MAST4: variants seen among roughly 807,000 people sequenced by gnomAD.
MAST4 encodes microtubule-associated serine/threonine-protein kinase 4.
A neutral mutation model predicts 162.7 loss-of-function variants in MAST4; 89 were observed. The observed-to-expected ratio is 0.55, with a 90% CI of 0.46 to 0.65. MAST4 has a LOEUF of 0.65. Among genes scored for constraint, MAST4 ranks in the 30% least tolerant of loss-of-function variants. The probability of loss-of-function intolerance (pLI) is 0.00; values close to 1 mark genes in which losing one functional copy is unlikely to be tolerated. For missense variants in MAST4, 3,153 were observed against 3,374.0 expected, an observed-to-expected ratio of 0.93 and a Z score of 1.62; for synonymous variants, 1,479 against 1,361.1, an observed-to-expected ratio of 1.09 and a Z score of -1.91.
intron 4 of MAST4, among the ~76,000 whole-genome samples, chr5:66,972,839 C>T (rs760437697): frequency 8.5e-5 from 13 of 152,198 alleles, no homozygotes; most frequent in Non-Finnish European, 1.6e-4. Flanking sequence ...TGCCGTGTCT[C>T]ACTCATTCCC....
At chr5:67,161,867 C>T (rs1773216608) in intron 27 of MAST4, among the ~76,000 whole-genome samples, 1 of 152,142 alleles carries the variant, frequency 6.6e-6, no homozygotes, top group African/African-American at 2.4e-5. Flanking sequence ...TTGTTTTAAG[C>T]TTATGTGGAG....
intron 1 of MAST4, among the ~76,000 whole-genome samples, chr5:66,628,001 T>A (rs1744549011): frequency 6.6e-6 from 1 of 152,166 alleles, no homozygotes; most frequent in Non-Finnish European, 1.5e-5. Context: ...ATTTTTAAAA[T>A]TTTTTAAAAT....
intron 1 of MAST4, among the ~76,000 whole-genome samples, chr5:66,700,817 A>G (rs1193311759): frequency 6.6e-6 from 1 of 151,426 alleles, no homozygotes; most frequent in Admixed American, 6.6e-5. Flanking sequence ...ACACACACAC[A>G]CACACACACA....
chr5:66,653,189 G>A (rs1746337807), intron 1 of MAST4, among the ~76,000 whole-genome samples: 1 of 152,150 alleles, frequency 6.6e-6, no homozygotes. Context: ...GAATGGTAGT[G>A]TACATTCATC....
At chr5:66,759,936 C>T (rs1055824004) in intron 2 of MAST4, 74 bp downstream of exon 2, 16 of 1,510,276 alleles carry the variant, frequency 1.1e-5, no homozygotes, top group Non-Finnish European at 1.3e-5. Flanking sequence ...CAGAGTTCCA[C>T]ATGTAATCAG....
intron 4 of MAST4, among the ~76,000 whole-genome samples, chr5:66,994,823 T>C (rs1039588741): frequency 1.3e-5 from 2 of 152,196 alleles, no homozygotes; most frequent in Admixed American, 1.3e-4. Context: ...AGCATTATTT[T>C]TATTATATTC....
intron 4 of MAST4, among the ~76,000 whole-genome samples, chr5:66,912,012 G>T (rs1005671522): frequency 1.3e-5 from 2 of 152,124 alleles, no homozygotes; most frequent in African/African-American, 4.8e-5. Flanking sequence ...TGTTATTGGG[G>T]GTGGTGGTAT....
At chr5:67,118,554 A>T (rs1035847843) in intron 12 of MAST4, 128 bp from the exon 13 acceptor site, 1 of 617,572 alleles carries the variant, frequency 1.6e-6, no homozygotes, top group Admixed American at 2.9e-5. Flanking sequence ...AGATTTTCCC[A>T]TGGGCACATT....
intron 3 of MAST4, among the ~76,000 whole-genome samples, chr5:66,892,438 C>A (rs932993333): frequency 4.6e-5 from 7 of 152,174 alleles, no homozygotes; most frequent in African/African-American, 1.7e-4. Flanking sequence ...TCCACCTTTA[C>A]TAAAAAGTAT....
intron 3 of MAST4, among the ~76,000 whole-genome samples, chr5:66,850,105 C>G (rs1322764997): frequency 6.6e-6 from 1 of 152,166 alleles, no homozygotes; most frequent in Non-Finnish European, 1.5e-5. Flanking sequence ...TTTATTGCCT[C>G]TGTAACTCCT....
At chr5:66,608,256 A>G (rs796292187) in intron 1 of MAST4, among the ~76,000 whole-genome samples, 1 of 146,748 alleles carries the variant, frequency 6.8e-6, no homozygotes, top group African/African-American at 2.5e-5. Flanking sequence ...GGATTTCACC[A>G]TGTTGGCCAG....
intron 1 of MAST4, among the ~76,000 whole-genome samples, chr5:66,616,293 C>A (rs1215846231): frequency 6.6e-6 from 1 of 152,174 alleles, no homozygotes; most frequent in Non-Finnish European, 1.5e-5. Flanking sequence ...TCCCAAGCAG[C>A]CCCTACCAAG....
intron 1 of MAST4, among the ~76,000 whole-genome samples, chr5:66,751,810 C>T (rs1174122958): frequency 4.0e-5 from 6 of 148,836 alleles, no homozygotes; most frequent in Admixed American, 4.0e-4. Context: ...AAAGATACTC[C>T]TCGAGAAGAG....
chr5:66,678,909 A>G (rs918037255), intron 1 of MAST4, among the ~76,000 whole-genome samples: 2 of 151,996 alleles, frequency 1.3e-5, no homozygotes, highest in Non-Finnish European at 2.9e-5. Context: ...CTCCTGCCTC[A>G]GCCTCTCAAG....
At chr5:66,708,391 A>G (rs532402056) in intron 1 of MAST4, among the ~76,000 whole-genome samples, 6 of 152,290 alleles carry the variant, frequency 3.9e-5, no homozygotes, top group African/African-American at 1.2e-4. Context: ...CATAAGCTCT[A>G]GGTCATGTTG....
chr5:66,881,414 TGA>T (rs1761685832), intron 3 of MAST4, among the ~76,000 whole-genome samples: 1 of 152,206 alleles, frequency 6.6e-6, no homozygotes, highest in Non-Finnish European at 1.5e-5. Context: ...CAAAAACATC[TGA>T]GAGGAAAATT....
At chr5:67,057,130 AAAG>A (rs1758929946) in intron 5 of MAST4, among the ~76,000 whole-genome samples, 1 of 152,190 alleles carries the variant, frequency 6.6e-6, no homozygotes, top group Admixed American at 6.5e-5. Flanking sequence ...TTCTGTATAA[AAAG>A]AAGAAAAACA....
At chr5:66,765,146 C>G (rs575463473) in intron 2 of MAST4, among the ~76,000 whole-genome samples, 1 of 152,260 alleles carries the variant, frequency 6.6e-6, no homozygotes, top group African/African-American at 2.4e-5. Flanking sequence ...GCACAGTAGG[C>G]TACACCATCT....
At chr5:67,082,101 A>T (rs968604508) in intron 5 of MAST4, among the ~76,000 whole-genome samples, 1 of 151,598 alleles carries the variant, frequency 6.6e-6, no homozygotes, top group Non-Finnish European at 1.5e-5. Flanking sequence ...AGGAAATACT[A>T]TGCAACCCAA....
Sources: gnomAD v4.1 joint callset for allele counts (sites outside exome capture counted in the v4.1 genomes callset) on GRCh38, gnomAD v4.1.1 for gene constraint, MANE v1.5 for transcripts, NCBI Gene and HGNC (gene_info 2026-07-23, HGNC 2026-07-21) for gene names.